The following LRRC37B variants were observed in gnomAD, a reference collection of about 807,000 sequenced individuals.
LRRC37B encodes leucine rich repeat containing 37B.
LRRC37B carries 28 observed loss-of-function variants against 98.3 expected under a neutral mutation model. The observed-to-expected ratio is 0.28, with a 90% CI of 0.21 to 0.39. The LOEUF (loss-of-function observed/expected upper bound fraction) is 0.39. Among genes scored for constraint, LRRC37B ranks in the 10% least tolerant of loss-of-function variants. LRRC37B has a pLI of 1.00. For missense variants in LRRC37B, 938 were observed against 1,182.7 expected (o/e 0.79, Z 3.03); for synonymous variants, 364 against 442.7 (o/e 0.82, Z 2.23).
At chr17:32,044,976 T>G (rs1300141733) in intron 7 of LRRC37B, among the ~76,000 whole-genome samples, 2 of 152,224 alleles carry the variant, frequency 1.3e-5, no homozygotes, top group Admixed American at 6.5e-5. Context: ...GATCCTGTTC[T>G]CAAATGTCTT....
At chr17:32,020,719 A>G, upstream of LRRC37B, 1 of 439,712 alleles carries the variant, frequency 2.3e-6, no homozygotes, top group Non-Finnish European at 3.5e-6. Flanking sequence ...CCCCTGAAGG[A>G]AGAGTATTCT....
At chr17:32,021,827 G>A (rs769078494) in exon 1 of LRRC37B, 1 of 1,614,144 alleles carries the variant, frequency 6.2e-7, no homozygotes, top group Admixed American at 1.7e-5. Context: ...ATGATTATTT[G>A]AGTATGGACA....
chr17:32,042,217 T>C (rs1911460876), intron 7 of LRRC37B: 1 of 218,178 alleles, frequency 4.6e-6, no homozygotes, highest in Non-Finnish European at 9.2e-6. Context: ...GAACATGGCC[T>C]CCTCTAGGGC....
Position 32,027,843 on chromosome 17 carries a change from A to T in LRRC37B, c.1904+3A>T. ...GGCCTGCTATACCTCCAGTATTTGT[A>T]AGTTAGTTAATCATATTTTTGAGTT... On this transcript the variant is annotated splice_donor_region_variant and intron_variant, in intron 3 of 11. Coordinates refer to ENST00000327564, the Ensembl canonical transcript of LRRC37B. The T allele has an allele frequency of 1.9e-6, 3 of 1,601,472 alleles. No individual in the cohort carries two copies. In the South Asian group the frequency reaches 3.4e-5, roughly 18 times the overall value.
intron 4 of LRRC37B, among the ~76,000 whole-genome samples, 196 bp downstream of exon 7, chr17:32,030,923 C>T (rs1911091236): frequency 6.6e-6 from 1 of 152,186 alleles, no homozygotes; most frequent in Admixed American, 6.5e-5. Flanking sequence ...CATCAGAGAG[C>T]AGTGGTTCTC....
exon 1 of LRRC37B, chr17:32,008,064 C>A: frequency 2.0e-6 from 1 of 505,226 alleles, no homozygotes; most frequent in Non-Finnish European, 3.8e-6. Flanking sequence ...TCCGATTATC[C>A]GGAGGAGCTG....
At chr17:32,052,582 G>T (rs2142265563) in intron 11 of LRRC37B, 1 of 152,234 alleles carries the variant, frequency 6.6e-6, no homozygotes, top group African/African-American at 2.4e-5. Flanking sequence ...AACTAGATAA[G>T]GCTGAATATT....
Position 32,046,417 on chromosome 17 carries a change from A to G in LRRC37B, c.2323+599A>G, listed in dbSNP as rs141914197. Among the ~76,000 whole-genome samples, 413 of 152,246 alleles carry G rather than the reference A, an allele frequency of 2.7e-3. 2 individuals carry two copies. The highest frequency in any genetic ancestry group is 4.7e-3 in the Non-Finnish European group (317 of 68,006). ...CTCAAACCTTTCTATTCGCAGAACAAATGCTCAAGTTTTTTCAAGAGTTTT... is the reference window on the plus strand; with the variant it reads ...CTCAAACCTTTCTATTCGCAGAACAGATGCTCAAGTTTTTTCAAGAGTTTT... On this transcript the variant is annotated intron_variant, in intron 8 of 11. Transcript: ENST00000327564.
In LRRC37B at chr17:32,022,518, A is replaced by G. The variant is rs777170337; in HGVS notation, c.1453A>G (p.Thr485Ala). 4.3e-6 allele frequency: 7 copies of G among 1,613,590 alleles called. No homozygotes were observed. The South Asian group carries it at 5.5e-5, about 13-fold the overall frequency. Residue 485 changes from threonine (T) to alanine (A), a missense_variant, in exon 1 of 12, where the codon ACT (threonine) becomes GCT (alanine). Physicochemically the swap from Thr to Ala is moderately conservative, Grantham distance 58. Coordinates refer to ENST00000327564, the Ensembl canonical transcript of LRRC37B. Reference sequence around the variant, plus strand: ...GGGGCTTGCCATAACTCCAGAACCCACTACAGAGATTGGACATTCCACAGC... The same window carrying G: ...GGGGCTTGCCATAACTCCAGAACCCGCTACAGAGATTGGACATTCCACAGC...
chr17:32,014,361 G>A (rs932268929), intron 1 of LRRC37B, among the ~76,000 whole-genome samples: 3 of 152,088 alleles, frequency 2.0e-5, no homozygotes, highest in Admixed American at 2.0e-4. Flanking sequence ...CATCTTTAAA[G>A]TACTGAGAGA....
chr17:32,039,483 T>C (rs1213411167), intron 7 of LRRC37B, among the ~76,000 whole-genome samples: 2 of 15,430 alleles, frequency 1.3e-4, no homozygotes, highest in Non-Finnish European at 2.4e-4. Context: ...CCTAAAAATA[T>C]ATATATATAT....
At chr17:32,051,130 C>T (rs1911744216) in intron 11 of LRRC37B, 1 of 152,118 alleles carries the variant, frequency 6.6e-6, no homozygotes, top group South Asian at 2.1e-4. Flanking sequence ...TTCACTCTGC[C>T]TGTGGGAGTC....
Position 32,047,336 on chromosome 17 carries a change from C to T in LRRC37B, c.2324-425C>T, listed in dbSNP as rs574970857. On this transcript the variant is annotated intron_variant, in intron 8 of 11. Transcript: ENST00000327564. ...TTCAGCTGCGATGGTAGCAAGAACA[C>T]GGGCACACTGAGGATGAGGAGAGTG... The T allele has an allele frequency of 2.0e-3, 455 of 228,492 alleles. 2 individuals carry two copies. Among genetic ancestry groups the T allele is most frequent in the Middle Eastern group, 5.3e-3 (3 of 562 alleles). 14.2% of individuals were successfully genotyped at this position (228,492 alleles called of 1,614,324 possible). A position where few individuals can be genotyped will look rare whatever the true frequency, so the allele number is the denominator to read the frequency against.
intron 1 of LRRC37B, among the ~76,000 whole-genome samples, chr17:32,013,708 A>ATG (rs879747437): frequency 1.5e-4 from 20 of 130,284 alleles, no homozygotes; most frequent in African/African-American, 5.0e-4. Flanking sequence ...TTATAATTGT[A>ATG]TATGTGTGTG....
chr17:32,010,830 A>T (rs1241393883), intron 1 of LRRC37B, among the ~76,000 whole-genome samples: 1 of 152,120 alleles, frequency 6.6e-6, no homozygotes. Context: ...TCTACTGCCT[A>T]TCTCCATGAA....
Position 32,011,158 on chromosome 17 carries a change from C to T in LRRC37B, c.-191+3026C>T, listed in dbSNP as rs62062432. Among the ~76,000 whole-genome samples, 27 of 151,090 alleles carry T rather than the reference C, an allele frequency of 1.8e-4. 1 individual carries two copies. The highest frequency in any genetic ancestry group is 9.9e-4 in the East Asian group (5 of 5,052). On this transcript the variant is annotated intron_variant, in intron 1 of 14. Coordinates refer to the LRRC37B transcript ENST00000543378. ...ACTACAGGCACCCGCCACCACGCCC[C>T]GCTGATTTTTGTATTTTTAGAAGAG... is the stretch of plus-strand genomic sequence containing the variant.
intron 5 of LRRC37B, among the ~76,000 whole-genome samples, chr17:32,032,062 G>A (rs1911126265): frequency 1.3e-5 from 2 of 152,138 alleles, no homozygotes; most frequent in African/African-American, 4.8e-5. Flanking sequence ...GAGGTCAGGA[G>A]TTTGAGACCA....
chr17:32,046,178 T>C (rs2627093), intron 8 of LRRC37B, among the ~76,000 whole-genome samples: 14,763 of 126,746 alleles, frequency 0.12, no homozygotes, highest in African/African-American at 0.3. Context: ...GTTTTATATC[T>C]GTGAGGTCTC....
chr17:32,032,720 G>C (rs1245035373), intron 5 of LRRC37B, among the ~76,000 whole-genome samples: 1 of 152,162 alleles, frequency 6.6e-6, no homozygotes, highest in Non-Finnish European at 1.5e-5. Flanking sequence ...TTAACTTAGG[G>C]AAGACACACT....
Sources: allele counts gnomAD v4.1 joint callset (sites outside exome capture counted in the v4.1 genomes callset), GRCh38; gene constraint gnomAD v4.1.1; transcripts MANE v1.5; gene names NCBI Gene and HGNC (gene_info 2026-07-23, HGNC 2026-07-21).